NEBL: variants seen among roughly 807,000 people sequenced by gnomAD.
NEBL encodes LIM and SH3 protein 2.
Under a neutral mutation model 140.2 loss-of-function variants are expected in NEBL, and 122 were observed. The ratio of observed to expected loss-of-function variants is 0.87; its 90% CI spans 0.75 to 1.01. The LOEUF is 1.01. Ranked by LOEUF, NEBL falls within the 50% of genes least tolerant of loss-of-function variation. The probability of loss-of-function intolerance (pLI) is 0.00; values close to 1 mark genes in which losing one functional copy is unlikely to be tolerated. For synonymous variants in NEBL, 436 were observed against 398.9 expected (o/e 1.09, Z -1.11); for missense variants, 1,365 against 1,231.3 (o/e 1.11, Z -1.62).
At chr10:20,798,968 T>C (rs925374385) in intron 26 of NEBL, among the ~76,000 whole-genome samples, 1 of 152,214 alleles carries the variant, frequency 6.6e-6, no homozygotes, top group Non-Finnish European at 1.5e-5. Context: ...CAAGTTTCGC[T>C]GCCCGAAACT....
In NEBL at chr10:20,781,564, A is replaced by G. The variant is rs1264384092; in HGVS notation, c.*4183T>C. Reference sequence around the variant, plus strand: ...GGATTACAAAGAAGTGATACTATGCAAACTGGATACCATGTATCAAGCACA... The same window carrying G: ...GGATTACAAAGAAGTGATACTATGCGAACTGGATACCATGTATCAAGCACA... On this transcript the variant is annotated 3_prime_UTR_variant, in exon 28 of 28. Transcript: ENST00000377122. The G allele has an allele frequency of 6.6e-6, 1 of 152,234 alleles. No homozygotes were observed. The highest frequency in any genetic ancestry group is 2.4e-5 in the African/African-American group (1 of 41,468). 9.4% of individuals were successfully genotyped at this position (152,234 alleles called of 1,614,324 possible).
chr10:20,880,709 G>T, intron 5 of NEBL, 85 bp downstream of exon 5: 1 of 1,018,828 alleles, frequency 9.8e-7, no homozygotes, highest in Non-Finnish European at 1.6e-6. Flanking sequence ...CTGTTGTAAT[G>T]TTTAAATTTC....
At position 20,859,617 on chromosome 10, in the gene NEBL, T is replaced by C. The variant is rs1033834939; in HGVS notation, c.798+96A>G. ...ATGCTTCAGTTCAACTACAAATTACTTGGAAGCTAAGTATCAGTAATTACA... is the reference window on the plus strand; with the variant it reads ...ATGCTTCAGTTCAACTACAAATTACCTGGAAGCTAAGTATCAGTAATTACA... On this transcript the variant is annotated intron_variant, in intron 8 of 27. Transcript: ENST00000377122. 1.2e-5 allele frequency: 9 copies of C among 755,980 alleles called. No homozygotes were observed. In the Admixed American group the frequency reaches 1.3e-4, roughly 11 times the overall value. The allele number at this position is 755,980 out of a possible 1,614,324, so 46.8% of individuals were successfully genotyped here.
chr10:21,185,966 TC>T (rs1841463088), intron 3 of NEBL, among the ~76,000 whole-genome samples: 1 of 152,146 alleles, frequency 6.6e-6, no homozygotes, highest in South Asian at 2.1e-4. Context: ...CTGCTTGAAT[TC>T]CAGAGAAGCT....
intron 3 of NEBL, among the ~76,000 whole-genome samples, chr10:21,000,165 G>C (rs945725796): frequency 7.4e-6 from 1 of 135,016 alleles, no homozygotes; most frequent in Non-Finnish European, 1.6e-5. Flanking sequence ...GCAGAGGGGG[G>C]CAGAGAGGGG....
At chr10:21,131,857 T>C (rs1444274053) in intron 2 of NEBL, among the ~76,000 whole-genome samples, 4 of 152,166 alleles carry the variant, frequency 2.6e-5, no homozygotes, top group Admixed American at 6.5e-5. Context: ...CAAAGTGAAA[T>C]TGGTAAAAGT....
chr10:21,117,771 A>G (rs1485176872), intron 2 of NEBL, among the ~76,000 whole-genome samples: 2 of 152,082 alleles, frequency 1.3e-5, no homozygotes, highest in Middle Eastern at 3.2e-3. Context: ...TCAAATATCA[A>G]CTTTAGAGAA....
chr10:21,275,309 A>G (rs1346409626), intron 1 of NEBL, among the ~76,000 whole-genome samples: 1 of 152,140 alleles, frequency 6.6e-6, no homozygotes, highest in South Asian at 2.1e-4. Flanking sequence ...CTCTCTTCCT[A>G]TGGGCGTTTT....
intron 2 of NEBL, among the ~76,000 whole-genome samples, chr10:21,040,046 G>A (rs547380749): frequency 1.3e-5 from 2 of 152,318 alleles, no homozygotes; most frequent in South Asian, 4.1e-4. Flanking sequence ...GTTGATATAA[G>A]AATACCTGAG....
chr10:21,132,233 A>G (rs1839146411), intron 2 of NEBL, among the ~76,000 whole-genome samples: 2 of 152,106 alleles, frequency 1.3e-5, no homozygotes, highest in East Asian at 1.9e-4. Context: ...ATGGAATCAT[A>G]TCATATGTGG....
chr10:20,960,422 G>A (rs966195192), intron 4 of NEBL, among the ~76,000 whole-genome samples: 8 of 151,938 alleles, frequency 5.3e-5, no homozygotes, highest in Non-Finnish European at 1.2e-4. Flanking sequence ...AAAACTAAGA[G>A]ACAAATGTCA....
rs957604722 is a variant in NEBL at position 20,794,762 on chromosome 10, G to A, written c.2762-7454C>T. Among the ~76,000 whole-genome samples, 5 of 152,222 alleles carry A rather than the reference G, an allele frequency of 3.3e-5. No homozygotes were observed. In the South Asian group the frequency reaches 8.3e-4, roughly 25 times the overall value. ...ATATAAGTAAAATGCTTACAACCCC[G>A]TTAGCTCAAGATTTTACTAATTTAG... is the stretch of plus-strand genomic sequence containing the variant. On this transcript the variant is annotated intron_variant, in intron 26 of 27. Coordinates refer to ENST00000377122, the MANE Select transcript of NEBL (RefSeq NM_006393.3).
chr10:21,122,986 C>T (rs4367852), intron 2 of NEBL, among the ~76,000 whole-genome samples: 15,170 of 152,184 alleles, frequency 0.1, 830 homozygotes, highest in Non-Finnish European at 0.13. Context: ...ATAGAAGATA[C>T]TCAGTAAAAT....
At chr10:21,003,090 G>A (rs990639157) in intron 3 of NEBL, among the ~76,000 whole-genome samples, 1 of 144,752 alleles carries the variant, frequency 6.9e-6, no homozygotes, top group Non-Finnish European at 1.5e-5. Flanking sequence ...TGTTTTCACA[G>A]CCACCTTGAT....
chr10:21,031,201 T>C (rs780035952), intron 2 of NEBL, among the ~76,000 whole-genome samples: 11 of 151,930 alleles, frequency 7.2e-5, no homozygotes, highest in Admixed American at 3.3e-4. Context: ...GGCAGAGAGA[T>C]AGGAGGAGAG....
chr10:21,268,121 C>A (rs1842818538), intron 1 of NEBL, among the ~76,000 whole-genome samples: 1 of 152,066 alleles, frequency 6.6e-6, no homozygotes, highest in South Asian at 2.1e-4. Context: ...GTTTGAAATA[C>A]CTCCTCTCAC....
chr10:20,782,790 G>T lies in NEBL; in HGVS notation c.*2957C>A, dbSNP rs1249345860. ...TAAACAATAACAAGAAGACATGAAG[G>T]ATTCATTTTGCCATAGGTTAGAAAT... is the stretch of plus-strand genomic sequence containing the variant. On this transcript the variant is annotated 3_prime_UTR_variant, in exon 28 of 28. Transcript: ENST00000377122. 6.6e-6 allele frequency: 1 copy of T among 152,362 alleles called. No homozygotes were observed. Among genetic ancestry groups the T allele is most frequent in the Admixed American group, 6.5e-5 (1 of 15,272 alleles). The allele number at this position is 152,362 out of a possible 1,614,324, so 9.4% of individuals were successfully genotyped here.
intron 3 of NEBL, among the ~76,000 whole-genome samples, chr10:21,198,966 T>C (rs1246923767): frequency 2.0e-5 from 3 of 152,026 alleles, no homozygotes; most frequent in African/African-American, 4.8e-5. Context: ...AATTTTTGAT[T>C]TTTTATTCTA....
At chr10:21,029,599 G>A in intron 2 of NEBL, 5 of 1,571,312 alleles carry the variant, frequency 3.2e-6, no homozygotes, top group Non-Finnish European at 4.4e-6. Context: ...AGACTGGAGG[G>A]CTCGTTCTGC....
Sources: gnomAD v4.1 joint callset for allele counts (sites outside exome capture counted in the v4.1 genomes callset) on GRCh38, gnomAD v4.1.1 for gene constraint, MANE v1.5 for transcripts, NCBI Gene and HGNC (gene_info 2026-07-23, HGNC 2026-07-21) for gene names.